The following F13A1 variants were observed in gnomAD, a reference collection of about 807,000 sequenced individuals.
The protein encoded by F13A1 is FSF, A subunit.
In F13A1, 47 loss-of-function variants were observed where a neutral mutation model predicts 80.1. The observed-to-expected ratio is 0.59, with a 90% CI of 0.46 to 0.75. The LOEUF (loss-of-function observed/expected upper bound fraction) is 0.75. Ranked by LOEUF, F13A1 falls within the 30% of genes least tolerant of loss-of-function variation. The probability of loss-of-function intolerance (pLI) is 0.00; values close to 1 mark genes in which losing one functional copy is unlikely to be tolerated. For synonymous variants in F13A1, 349 were observed against 344.9 expected (o/e 1.01, Z -0.13); for missense variants, 817 against 930.4 (o/e 0.88, Z 1.59).
Position 6,305,484 on chromosome 6 carries a change from C to T in F13A1, c.186G>A (p.Lys62=). The T allele has an allele frequency of 6.2e-7, 1 of 1,614,204 alleles. No homozygotes were observed. The highest frequency in any genetic ancestry group is 1.1e-5 in the South Asian group (1 of 91,084). The change falls in exon 3 of 15, where the codon AAG becomes AAA. Residue 62 remains lysine (K), a synonymous_variant. Transcript: ENST00000264870. ...CATACTTGTCAGTGTGGTGGTCCAC[C>T]TTGTTAGTGTCCCATCTCTCCTTGA... The part of the protein sequence containing the change: ...HLFKERWDTN[K]VDHHTDKYEN...
chr6:6,184,611 A>C (rs1406910722), intron 10 of F13A1, among the ~76,000 whole-genome samples: 2 of 152,232 alleles, frequency 1.3e-5, no homozygotes, highest in Non-Finnish European at 2.9e-5. Flanking sequence ...AAGCCATGTA[A>C]GTACAAACAG....
At chr6:6,223,994 G>C (rs371833385) in intron 7 of F13A1, among the ~76,000 whole-genome samples, 1 of 152,238 alleles carries the variant, frequency 6.6e-6, no homozygotes, top group East Asian at 1.9e-4. Context: ...TTGTAATATC[G>C]TCTGGGTCTA....
intron 6 of F13A1, among the ~76,000 whole-genome samples, chr6:6,229,919 A>G (rs1757327688): frequency 6.6e-6 from 1 of 152,238 alleles, no homozygotes; most frequent in African/African-American, 2.4e-5. Context: ...ACAGGGGTAG[A>G]GGAAGCAGCA....
At chr6:6,157,573 T>G (rs1302160539) in intron 13 of F13A1, among the ~76,000 whole-genome samples, 1 of 152,186 alleles carries the variant, frequency 6.6e-6, no homozygotes, top group Non-Finnish European at 1.5e-5. Context: ...TTAGAAAACA[T>G]CTATAACTCA....
At chr6:6,249,403 A>G (rs1477738003) in intron 5 of F13A1, among the ~76,000 whole-genome samples, 1 of 152,234 alleles carries the variant, frequency 6.6e-6, no homozygotes, top group Admixed American at 6.5e-5. Flanking sequence ...TGGGCAGGAT[A>G]GCAACTAACT....
rs1290008988 is a variant in F13A1 at position 6,197,237 on chromosome 6, TG to T, written c.1201del (p.Gln401ArgfsTer64). 1 of 1,614,092 alleles carries T rather than the reference TG, an allele frequency of 6.2e-7. No individual in the cohort carries two copies. The highest frequency in any genetic ancestry group is 1.3e-5 in the African/African-American group (1 of 75,050). ...GGWQAVDSTP[Q>X]ENSDGMYRCG... ...CACAGTTTTACCATCGCTATTTTCC[TG>T]GGGGGTGCTGTCCACAGCTTGCCAG... On this transcript the variant is annotated frameshift_variant, in exon 9 of 15. Coordinates refer to ENST00000264870, the MANE Select transcript of F13A1 (RefSeq NM_000129.4). LOFTEE classifies it high-confidence loss of function.
At chr6:6,246,532 A>C (rs1047520042) in intron 6 of F13A1, among the ~76,000 whole-genome samples, 1 of 152,244 alleles carries the variant, frequency 6.6e-6, no homozygotes, top group African/African-American at 2.4e-5. Context: ...CCGTTTTCCA[A>C]ATGGATTTTC....
chr6:6,296,246 T>C (rs796211341), intron 3 of F13A1, among the ~76,000 whole-genome samples: 7,868 of 151,204 alleles, frequency 0.052, 545 homozygotes, highest in African/African-American at 0.16. Context: ...TTTGGTTCCA[T>C]GTGAACTTTA....
intron 12 of F13A1, among the ~76,000 whole-genome samples, chr6:6,172,133 G>T (rs1760785781): frequency 6.6e-6 from 1 of 152,140 alleles, no homozygotes; most frequent in Non-Finnish European, 1.5e-5. Context: ...CTAAATAAAG[G>T]TTAGGGGAAT....
chr6:6,285,138 A>T (rs1758118375), intron 3 of F13A1, among the ~76,000 whole-genome samples: 1 of 152,170 alleles, frequency 6.6e-6, no homozygotes, highest in African/African-American at 2.4e-5. Flanking sequence ...AATCCCAGCT[A>T]CTCAGGAGGC....
chr6:6,305,111 CATT>C (rs1261051717), intron 3 of F13A1: 1 of 574,318 alleles, frequency 1.7e-6, no homozygotes, highest in Non-Finnish European at 3.1e-6. Flanking sequence ...TTAAGCAACA[CATT>C]ATACCAGTTT....
At position 6,304,860 on chromosome 6, in the gene F13A1, C is replaced by CAAAAAAA. The variant is rs10719492; in HGVS notation, c.319+484_319+490dup. Among the ~76,000 whole-genome samples, 98 of 103,242 alleles carry CAAAAAAA rather than the reference C, an allele frequency of 9.5e-4. 2 individuals carry two copies. Among genetic ancestry groups the CAAAAAAA allele is most frequent in the African/African-American group, 3.5e-3 (89 of 25,420 alleles). 67.7% of individuals were successfully genotyped at this position (103,242 alleles called of 152,430 possible). On this transcript the variant is annotated intron_variant, in intron 3 of 14. Transcript: ENST00000264870. ...TGGGCAACAGAGCAAGACTCTGTCT[C>CAAAAAAA]AAAAAAAAAAAAAAAAAAAAGGGTG... is the stretch of plus-strand genomic sequence containing the variant.
chr6:6,249,214 A>G (rs1757596680), intron 5 of F13A1, among the ~76,000 whole-genome samples: 1 of 152,266 alleles, frequency 6.6e-6, no homozygotes, highest in African/African-American at 2.4e-5. Flanking sequence ...GACAGAAACC[A>G]CAATCATAAT....
chr6:6,299,766 A>G (rs1758391476), intron 3 of F13A1, among the ~76,000 whole-genome samples: 1 of 147,824 alleles, frequency 6.8e-6, no homozygotes, highest in Non-Finnish European at 1.5e-5. Context: ...GTCATTCTCC[A>G]TCCAGCTTTG....
chr6:6,185,121 ATCTC>A (rs761921430), intron 10 of F13A1, among the ~76,000 whole-genome samples: 54 of 140,240 alleles, frequency 3.9e-4, no homozygotes, highest in Middle Eastern at 3.7e-3. Flanking sequence ...GAGTTACTGA[ATCTC>A]TCTCTTTTTT....
intron 3 of F13A1, among the ~76,000 whole-genome samples, chr6:6,272,637 T>C (rs1050389205): frequency 1.3e-4 from 20 of 152,128 alleles, no homozygotes; most frequent in African/African-American, 4.8e-4. Context: ...CACAACCTTT[T>C]TAAATCAACT....
intron 8 of F13A1, among the ~76,000 whole-genome samples, chr6:6,210,191 T>C (rs936760841): frequency 1.3e-5 from 2 of 151,374 alleles, no homozygotes; most frequent in African/African-American, 4.9e-5. Context: ...GATCTTGCCA[T>C]TGCAATCCAG....
chr6:6,266,687 G>A lies in F13A1; in HGVS notation c.442C>T (p.Gln148Ter). 6.2e-7 allele frequency: 1 copy of A among 1,614,204 alleles called. No individual in the cohort carries two copies. The highest frequency in any genetic ancestry group is 8.5e-7 in the Non-Finnish European group (1 of 1,180,050). Residue 148 changes from glutamine to a stop codon, truncating the protein, a stop_gained, in exon 4 of 15, where the codon CAG (glutamine) becomes TAG (stop). Coordinates refer to ENST00000264870, the MANE Select transcript of F13A1 (RefSeq NM_000129.4). LOFTEE classifies it high-confidence loss of function. ...REDRSVRLSI[Q>*]SSPKCIVGKF... The stretch of plus-strand genomic sequence containing the variant: ...CCCACAATACATTTGGGGGAAGACT[G>A]GATGGACAGCCGCACAGACCTGTCC...
chr6:6,295,372 T>C (rs201275695), intron 3 of F13A1, among the ~76,000 whole-genome samples: 2 of 146,326 alleles, frequency 1.4e-5, no homozygotes, highest in Non-Finnish European at 3.0e-5. Context: ...CAGTGTAAAA[T>C]TGTTCCTATT....
Sources: allele counts gnomAD v4.1 joint callset (sites outside exome capture counted in the v4.1 genomes callset), GRCh38; gene constraint gnomAD v4.1.1; transcripts MANE v1.5; gene names NCBI Gene and HGNC (gene_info 2026-07-23, HGNC 2026-07-21).